The following MICU1 variants were observed in gnomAD, a reference collection of about 807,000 sequenced individuals.
The protein encoded by MICU1 is mitochondrial calcium uptake 1.
MICU1 carries 45 observed loss-of-function variants against 56.8 expected under a neutral mutation model. The observed-to-expected ratio is 0.79, with a 90% CI of 0.62 to 1.02. The LOEUF (loss-of-function observed/expected upper bound fraction) is 1.02. Ranked by LOEUF, MICU1 falls within the 50% of genes least tolerant of loss-of-function variation. The pLI, the probability that MICU1 is intolerant of heterozygous loss-of-function variation, is 0.00. For synonymous variants in MICU1, 186 were observed against 195.1 expected (o/e 0.95, Z 0.39); for missense variants, 504 against 587.1 (o/e 0.86, Z 1.46).
At chr10:72,450,827 C>A (rs1274944609) in intron 8 of MICU1, among the ~76,000 whole-genome samples, 1 of 150,046 alleles carries the variant, frequency 6.7e-6, no homozygotes, top group East Asian at 2.0e-4. Flanking sequence ...CGGGTTCAAG[C>A]GATTCTCCCG....
At chr10:72,574,998 C>T (rs554511164) in intron 1 of MICU1, among the ~76,000 whole-genome samples, 43 of 152,254 alleles carry the variant, frequency 2.8e-4, no homozygotes, top group African/African-American at 8.9e-4. Flanking sequence ...AGGAGATGCC[C>T]GGATGATGTC....
chr10:72,618,126 C>T (rs554479897), intron 1 of MICU1, among the ~76,000 whole-genome samples: 1 of 149,472 alleles, frequency 6.7e-6, no homozygotes, highest in Non-Finnish European at 1.5e-5. Flanking sequence ...GAGATCATGC[C>T]ACTGCACTCC....
intron 8 of MICU1, among the ~76,000 whole-genome samples, chr10:72,426,693 C>A (rs148566160): frequency 5.6e-4 from 85 of 152,188 alleles, no homozygotes; most frequent in African/African-American, 2.0e-3. Flanking sequence ...CCACAGCACC[C>A]GGCCTGAATT....
intron 8 of MICU1, among the ~76,000 whole-genome samples, chr10:72,451,118 T>C (rs1865285792): frequency 6.6e-6 from 1 of 150,644 alleles, no homozygotes; most frequent in Non-Finnish European, 1.5e-5. Context: ...TCCGCCTTTC[T>C]GGTTCAAGTG....
intron 8 of MICU1, among the ~76,000 whole-genome samples, chr10:72,433,774 T>A (rs183423757): frequency 2.0e-5 from 3 of 152,360 alleles, no homozygotes; most frequent in African/African-American, 7.2e-5. Flanking sequence ...TCTTTCCTCA[T>A]TAGATAAGAA....
chr10:72,397,099 C>G lies in MICU1; in HGVS notation c.1180+10830G>C, dbSNP rs1025640439. 1.6e-4 allele frequency among the ~76,000 whole-genome samples: 25 copies of G among 152,214 alleles called. 1 individual carries two copies. The highest frequency in any genetic ancestry group is 1.6e-3 in the Admixed American group (25 of 15,282). ...AGCAGATGTCTCAGCAGAAACCCTA[C>G]AAGCCAGAAGAGAGTGGGAGCCAAT... On this transcript the variant is annotated intron_variant, in intron 10 of 11. Coordinates refer to ENST00000361114, the MANE Select transcript of MICU1 (RefSeq NM_001195518.2).
chr10:72,574,209 C>A (rs995896230), intron 1 of MICU1, among the ~76,000 whole-genome samples: 14 of 152,074 alleles, frequency 9.2e-5, no homozygotes, highest in African/African-American at 3.4e-4. Flanking sequence ...CCAGATCTGG[C>A]CACCAATTAA....
chr10:72,423,359 C>G lies in MICU1; in HGVS notation c.946G>C (p.Asp316His). ...TCAGTAATTCTCCCATCCACAGGGT[C>G]ATGGCGTTCAAACTGGGAGGGAAAC... ...DVLKLEFERHDPVDGRITERQ... is the reference protein window; with the variant it reads ...DVLKLEFERHHPVDGRITERQ... Residue 316 changes from aspartate to histidine, a missense_variant, in exon 9 of 12, where the codon GAC (aspartate) becomes CAC (histidine). By Grantham distance (81) the Asp-to-His change is moderately conservative. Coordinates refer to ENST00000361114, the MANE Select transcript of MICU1 (RefSeq NM_001195518.2). 6.2e-7 allele frequency: 1 copy of G among 1,613,618 alleles called. No homozygotes were observed. Among genetic ancestry groups the G allele is most frequent in the Non-Finnish European group, 8.5e-7 (1 of 1,179,746 alleles).
intron 6 of MICU1, among the ~76,000 whole-genome samples, chr10:72,492,018 C>T (rs1482309996): frequency 6.6e-6 from 1 of 152,030 alleles, no homozygotes; most frequent in African/African-American, 2.4e-5. Context: ...TGTGAATTAG[C>T]AGTAATTAGA....
At chr10:72,369,424 G>A (rs1011568149) in intron 11 of MICU1, among the ~76,000 whole-genome samples, 1 of 152,122 alleles carries the variant, frequency 6.6e-6, no homozygotes, top group Non-Finnish European at 1.5e-5. Context: ...TGGAAGCAGG[G>A]GAGTAAGAAG....
chr10:72,403,857 G>C (rs900074960), intron 10 of MICU1, among the ~76,000 whole-genome samples: 1 of 151,804 alleles, frequency 6.6e-6, no homozygotes, highest in Non-Finnish European at 1.5e-5. Context: ...GGGTTTCACT[G>C]TGTTAGCCAG....
At chr10:72,473,433 T>C (rs1328865415) in intron 8 of MICU1, 2 of 152,324 alleles carry the variant, frequency 1.3e-5, no homozygotes, top group African/African-American at 2.4e-5. Flanking sequence ...TATTTCACAA[T>C]AATTTGCATT....
At chr10:72,437,539 C>T (rs1032161903) in intron 8 of MICU1, among the ~76,000 whole-genome samples, 3 of 152,200 alleles carry the variant, frequency 2.0e-5, no homozygotes, top group Admixed American at 6.5e-5. Flanking sequence ...CAAATTCACA[C>T]ATAACAATAT....
intron 5 of MICU1, among the ~76,000 whole-genome samples, chr10:72,529,294 A>G (rs951330673): frequency 6.6e-6 from 1 of 152,188 alleles, no homozygotes; most frequent in Non-Finnish European, 1.5e-5. Flanking sequence ...TGAAACGTTC[A>G]GGGAGAGGTT....
intron 1 of MICU1, among the ~76,000 whole-genome samples, chr10:72,569,229 A>ATTTTTTTTTTT (rs1246062078): frequency 1.9e-4 from 7 of 37,736 alleles, no homozygotes; most frequent in African/African-American, 7.1e-4. Flanking sequence ...ATATATATAT[A>ATTTTTTTTTTT]TATATATATT....
At chr10:72,458,431 A>G (rs1865540799) in intron 8 of MICU1, among the ~76,000 whole-genome samples, 1 of 152,180 alleles carries the variant, frequency 6.6e-6, no homozygotes, top group African/African-American at 2.4e-5. Context: ...TCACTGATCA[A>G]TATAATCCAG....
intron 3 of MICU1, among the ~76,000 whole-genome samples, chr10:72,556,929 G>A (rs1840172911): frequency 6.6e-6 from 1 of 151,958 alleles, no homozygotes; most frequent in African/African-American, 2.4e-5. Flanking sequence ...GCCAGGCGTA[G>A]TGTCGGGTGT....
At chr10:72,376,716 G>A (rs903470464) in intron 10 of MICU1, among the ~76,000 whole-genome samples, 2 of 152,084 alleles carry the variant, frequency 1.3e-5, no homozygotes, top group Non-Finnish European at 2.9e-5. Context: ...TGAGGGGAAT[G>A]GGGAGTTACT....
chr10:72,613,571 C>T (rs183831692), intron 1 of MICU1, among the ~76,000 whole-genome samples: 1 of 152,198 alleles, frequency 6.6e-6, no homozygotes, highest in East Asian at 1.9e-4. Flanking sequence ...GCCACCACAC[C>T]TGGCTATACC....
Sources: gnomAD v4.1 joint callset for allele counts (sites outside exome capture counted in the v4.1 genomes callset) on GRCh38, gnomAD v4.1.1 for gene constraint, MANE v1.5 for transcripts, NCBI Gene and HGNC (gene_info 2026-07-23, HGNC 2026-07-21) for gene names.